The following DUSP14 variants were observed in gnomAD, a reference collection of about 807,000 sequenced individuals.
DUSP14 encodes the protein dual specificity phosphatase 14, also known as dual specificity protein phosphatase 14.
A neutral mutation model predicts 13.2 loss-of-function variants in DUSP14; 5 were observed. The observed-to-expected ratio is 0.38, with a 90% CI of 0.20 to 0.80. The LOEUF is 0.80. DUSP14 is among the 30% of genes least tolerant of loss of function. The pLI, the probability that DUSP14 is intolerant of heterozygous loss-of-function variation, is 0.44. For synonymous variants in DUSP14, 91 were observed against 103.4 expected (o/e 0.88, Z 0.73); for missense variants, 185 against 264.0 (o/e 0.70, Z 2.07).
At chr17:37,496,793 G>A (rs907484965) in intron 1 of DUSP14, among the ~76,000 whole-genome samples, 2 of 151,600 alleles carry the variant, frequency 1.3e-5, no homozygotes, top group Admixed American at 6.6e-5. Context: ...GCATGCACCT[G>A]TAATCTCAGC....
At chr17:37,505,203 A>T (rs762199226) in intron 1 of DUSP14, among the ~76,000 whole-genome samples, 1 of 152,180 alleles carries the variant, frequency 6.6e-6, no homozygotes, top group Non-Finnish European at 1.5e-5. Flanking sequence ...TGGCCTCCCA[A>T]AGTGCTAGGA....
intron 1 of DUSP14, among the ~76,000 whole-genome samples, chr17:37,495,785 G>C (rs1018642054): frequency 1.3e-5 from 2 of 151,646 alleles, no homozygotes; most frequent in Non-Finnish European, 2.9e-5. Flanking sequence ...TCAGCCTCCC[G>C]AGTAGCTGGG....
At chr17:37,494,708 C>G (rs2054052120) in intron 1 of DUSP14, among the ~76,000 whole-genome samples, 1 of 152,172 alleles carries the variant, frequency 6.6e-6, no homozygotes, top group Admixed American at 6.5e-5. Flanking sequence ...GAGTACTTAC[C>G]ATGTGCCTAG....
intron 1 of DUSP14, among the ~76,000 whole-genome samples, chr17:37,501,357 G>T (rs779949960): frequency 6.6e-6 from 1 of 152,114 alleles, no homozygotes; most frequent in Admixed American, 6.6e-5. Context: ...GAGCCGATTC[G>T]GTAGGTCTTG....
At chr17:37,496,447 A>G (rs2054065375) in intron 1 of DUSP14, among the ~76,000 whole-genome samples, 5 of 151,864 alleles carry the variant, frequency 3.3e-5, no homozygotes, top group Admixed American at 3.3e-4. Flanking sequence ...CATCTCTTAT[A>G]AAAATGTAAA....
intron 1 of DUSP14, among the ~76,000 whole-genome samples, chr17:37,509,675 G>C (rs568272337): frequency 9.2e-5 from 14 of 152,114 alleles, no homozygotes; most frequent in African/African-American, 3.1e-4. Context: ...GAAAAGTCTA[G>C]AGTGCAAACC....
intron 1 of DUSP14, among the ~76,000 whole-genome samples, chr17:37,491,933 T>C (rs1200868387): frequency 6.6e-6 from 1 of 152,234 alleles, no homozygotes; most frequent in African/African-American, 2.4e-5. Context: ...GAGTGCATCT[T>C]GATCGGTTTG....
At chr17:37,511,937 ACT>A (rs1491334087) in intron 2 of DUSP14, among the ~76,000 whole-genome samples, 5 of 16,442 alleles carry the variant, frequency 3.0e-4, no homozygotes, top group Non-Finnish European at 5.8e-4. Flanking sequence ...CCCCCACCCC[ACT>A]TTTTTTTTTT....
chr17:37,512,404 T>C lies in DUSP14; in HGVS notation c.132T>C (p.Asn44=). 6.2e-7 allele frequency: 1 copy of C among 1,614,154 alleles called. No homozygotes were observed. Among genetic ancestry groups the C allele is most frequent in the Non-Finnish European group, 8.5e-7 (1 of 1,180,026 alleles). ...TGGGCAGAGGCAGTGTGGCCTCCAA[T>C]CGGCACCTCCTCCAGGCTCGTGGCA... ...LFLGRGSVAS[N]RHLLQARGIT... Residue 44 remains asparagine (N), a synonymous_variant, in exon 3 of 3, where the codon AAT becomes AAC. Transcript: ENST00000617516. The surrounding 1 kb of genome is among the most constrained non-coding windows in gnomAD (Gnocchi z 4.8).
intron 1 of DUSP14, chr17:37,510,362 G>A (rs1403877983): frequency 6.6e-6 from 1 of 152,302 alleles, no homozygotes; most frequent in Non-Finnish European, 1.5e-5. Flanking sequence ...GCCCACCGAG[G>A]AGGCAGCAGT....
At chr17:37,498,158 C>CT (rs1181607275) in intron 1 of DUSP14, among the ~76,000 whole-genome samples, 2 of 151,104 alleles carry the variant, frequency 1.3e-5, no homozygotes, top group East Asian at 3.9e-4. Flanking sequence ...CATGATATTT[C>CT]TTTTTTTTCC....
At chr17:37,505,876 C>T (rs898449681) in intron 1 of DUSP14, among the ~76,000 whole-genome samples, 5 of 151,990 alleles carry the variant, frequency 3.3e-5, no homozygotes, top group Non-Finnish European at 7.4e-5. Flanking sequence ...GATTAGAGGC[C>T]CGCTGGGAAG....
At position 37,512,827 on chromosome 17, in the gene DUSP14, TGAGAAG is replaced by T; in HGVS notation, c.559_564del (p.Lys187_Glu188del). On this transcript the variant is annotated inframe_deletion, in exon 3 of 3. Transcript: ENST00000617516. This position sits in a 1 kb window ranked among gnomAD's most constrained non-coding sequence, Gnocchi z 4.8. ...CTTATGGCATAGTTCCCGACGTCTA[TGAGAAG>T]GAGTCCCGACACCTGATGCCTTACT... is the stretch of plus-strand genomic sequence containing the variant. 1.2e-6 allele frequency: 2 copies of T among 1,610,748 alleles called. No individual in the cohort carries two copies. The highest frequency in any genetic ancestry group is 2.2e-5 in the South Asian group (2 of 91,050).
At chr17:37,493,887 G>A (rs1028493266) in intron 1 of DUSP14, among the ~76,000 whole-genome samples, 1 of 152,022 alleles carries the variant, frequency 6.6e-6, no homozygotes, top group Non-Finnish European at 1.5e-5. Context: ...TACCCTCTGA[G>A]GATGAGACTC....
At position 37,512,293 on chromosome 17, in the gene DUSP14, C is replaced by G; in HGVS notation, c.21C>G (p.Ser7Arg). 6.2e-7 allele frequency: 1 copy of G among 1,610,856 alleles called. No homozygotes were observed. The highest frequency in any genetic ancestry group is 8.5e-7 in the Non-Finnish European group (1 of 1,177,964). MSSRGHSTLPRTLMAPR... is the reference protein window; with the variant it reads MSSRGHRTLPRTLMAPR... ...TCTTCATGAGCTCCAGAGGTCACAG[C>G]ACGCTACCAAGGACTCTCATGGCCC... The change falls in exon 3 of 3, where the codon AGC becomes AGG. Residue 7 changes from serine (S) to arginine (R), a missense_variant. Ser to Arg is a moderately radical substitution (Grantham distance 110). Coordinates refer to ENST00000617516, the MANE Select transcript of DUSP14 (RefSeq NM_007026.4). This position sits in a 1 kb window ranked among gnomAD's most constrained non-coding sequence, Gnocchi z 4.8.
upstream of DUSP14, among the ~76,000 whole-genome samples, chr17:37,489,631 C>G (rs986331319): frequency 6.6e-5 from 10 of 152,146 alleles, no homozygotes; most frequent in Admixed American, 5.2e-4. Flanking sequence ...GTGTGTGAGG[C>G]AGGGTAAGAG....
chr17:37,503,979 A>C (rs2054121366), intron 1 of DUSP14, among the ~76,000 whole-genome samples: 1 of 152,166 alleles, frequency 6.6e-6, no homozygotes, highest in South Asian at 2.1e-4. Context: ...AGATCACCTG[A>C]GGTCAGGAGT....
chr17:37,512,603 T>C lies in DUSP14; in HGVS notation c.331T>C (p.Cys111Arg). 6.2e-7 allele frequency: 1 copy of C among 1,613,850 alleles called. No individual in the cohort carries two copies. Among genetic ancestry groups the C allele is most frequent in the Non-Finnish European group, 8.5e-7 (1 of 1,179,788 alleles). The change falls in exon 3 of 3, where the codon TGT becomes CGT. Residue 111 changes from cysteine (C) to arginine (R), a missense_variant. Cys to Arg is a radical substitution (Grantham distance 180, BLOSUM62 -3). Coordinates refer to ENST00000617516, the MANE Select transcript of DUSP14 (RefSeq NM_007026.4). The surrounding 1 kb of genome is among the most constrained non-coding windows in gnomAD (Gnocchi z 4.8). ...GAAGCACGGGGCCACCTTGGTGCAC[T>C]GTGCTGCAGGGGTGAGCCGCTCAGC... is the stretch of plus-strand genomic sequence containing the variant. ...SRKHGATLVH[C>R]AAGVSRSATL... is the part of the protein sequence containing the mutation.
chr17:37,508,263 G>C (rs2054150699), intron 1 of DUSP14, among the ~76,000 whole-genome samples: 1 of 151,762 alleles, frequency 6.6e-6, no homozygotes, highest in African/African-American at 2.4e-5. Flanking sequence ...CTCTGCAGCA[G>C]TTCTCAGACG....
Sources: allele counts gnomAD v4.1 joint callset (sites outside exome capture counted in the v4.1 genomes callset), GRCh38; gene constraint gnomAD v4.1.1; non-coding constraint Gnocchi (gnomAD v3.1); transcripts MANE v1.5; gene names NCBI Gene and HGNC (gene_info 2026-07-23, HGNC 2026-07-21).